CSMD3: variants seen among roughly 807,000 people sequenced by gnomAD.
CSMD3 encodes the protein CUB and sushi domain-containing protein 3.
Under a neutral mutation model 435.2 loss-of-function variants are expected in CSMD3, and 177 were observed. The observed-to-expected ratio is 0.41, with a 90% CI of 0.36 to 0.46. The LOEUF is 0.46. Among genes scored for constraint, CSMD3 ranks in the 20% least tolerant of loss-of-function variants. CSMD3 has a pLI of 0.34. For missense variants in CSMD3, 4,265 were observed against 4,504.6 expected (o/e 0.95, Z 1.52); for synonymous variants, 1,656 against 1,520.5 (o/e 1.09, Z -2.07).
chr8:112,569,754 C>A (rs1829355914), intron 24 of CSMD3, among the ~76,000 whole-genome samples: 1 of 152,174 alleles, frequency 6.6e-6, no homozygotes, highest in Admixed American at 6.5e-5. Flanking sequence ...TGGGATTAAT[C>A]TGAATTAGAT....
chr8:113,156,431 T>C (rs1425350528), intron 4 of CSMD3, among the ~76,000 whole-genome samples: 1 of 152,042 alleles, frequency 6.6e-6, no homozygotes, highest in Non-Finnish European at 1.5e-5. Flanking sequence ...GACTATTCTC[T>C]TCGTGATAAT....
chr8:113,301,303 T>C (rs1392091110), intron 2 of CSMD3, among the ~76,000 whole-genome samples: 2 of 152,142 alleles, frequency 1.3e-5, no homozygotes, highest in African/African-American at 4.8e-5. Context: ...GAATAAATTG[T>C]ATTCTTAAAA....
At chr8:112,279,013 AAACAAC>A (rs200149218) in intron 59 of CSMD3, among the ~76,000 whole-genome samples, 28,989 of 119,074 alleles carry the variant, frequency 0.24, 3,113 homozygotes, top group Middle Eastern at 0.41. Context: ...CACCCCCAAA[AAACAAC>A]AACAACAACA....
At chr8:112,522,400 C>T (rs900298610) in intron 27 of CSMD3, among the ~76,000 whole-genome samples, 3 of 151,786 alleles carry the variant, frequency 2.0e-5, no homozygotes, top group Admixed American at 1.3e-4. Flanking sequence ...TTTACAATGC[C>T]ATCAATCTTC....
chr8:113,033,076 A>G (rs2087188306), intron 5 of CSMD3, among the ~76,000 whole-genome samples: 3 of 151,634 alleles, frequency 2.0e-5, no homozygotes, highest in Non-Finnish European at 4.4e-5. Flanking sequence ...GATGTATAGA[A>G]ACACCTGGAT....
At chr8:113,170,094 G>C (rs927829586) in intron 4 of CSMD3, among the ~76,000 whole-genome samples, 1 of 152,108 alleles carries the variant, frequency 6.6e-6, no homozygotes, top group Non-Finnish European at 1.5e-5. Context: ...TCATCAAGGA[G>C]AGACTCTACG....
At chr8:112,511,682 G>A (rs573948009) in intron 28 of CSMD3, among the ~76,000 whole-genome samples, 1 of 152,106 alleles carries the variant, frequency 6.6e-6, no homozygotes, top group African/African-American at 2.4e-5. Flanking sequence ...GAGCCACCAC[G>A]CCCGGGGTGG....
At chr8:113,330,897 A>C (rs2094022653) in intron 1 of CSMD3, among the ~76,000 whole-genome samples, 1 of 151,872 alleles carries the variant, frequency 6.6e-6, no homozygotes, top group African/African-American at 2.4e-5. Context: ...GCAAAGATAT[A>C]AAATACTCGA....
intron 45 of CSMD3, among the ~76,000 whole-genome samples, chr8:112,325,970 T>C (rs1823468627): frequency 1.3e-5 from 2 of 152,170 alleles, no homozygotes. Flanking sequence ...TATCTTTCAA[T>C]AAGAATAAAC....
At chr8:112,296,824 A>C (rs532436464) in intron 53 of CSMD3, among the ~76,000 whole-genome samples, 1 of 151,872 alleles carries the variant, frequency 6.6e-6, no homozygotes, top group Non-Finnish European at 1.5e-5. Context: ...AAATAGCAAC[A>C]AAATTATTAA....
chr8:112,842,156 A>G (rs1587451775), intron 11 of CSMD3, among the ~76,000 whole-genome samples: 2 of 151,854 alleles, frequency 1.3e-5, no homozygotes, highest in Non-Finnish European at 2.9e-5. Context: ...CTGGGGTAGG[A>G]GACAATGTTC....
At chr8:112,913,319 T>C (rs1441981151) in intron 10 of CSMD3, among the ~76,000 whole-genome samples, 1 of 151,778 alleles carries the variant, frequency 6.6e-6, no homozygotes, top group African/African-American at 2.4e-5. Context: ...ACATGCACAG[T>C]TCACAATAGG....
intron 53 of CSMD3, 57 bp downstream of exon 53, chr8:112,301,736 C>CT: frequency 7.4e-7 from 1 of 1,355,184 alleles, no homozygotes; most frequent in Non-Finnish European, 1.1e-6. Flanking sequence ...AGAGATGCCT[C>CT]TTTTCAAGGG....
At chr8:112,307,118 G>GT (rs1821497204) in intron 50 of CSMD3, among the ~76,000 whole-genome samples, 1 of 151,414 alleles carries the variant, frequency 6.6e-6, no homozygotes. Flanking sequence ...TTAAAGTCAG[G>GT]TTTTTTGTTT....
intron 27 of CSMD3, among the ~76,000 whole-genome samples, chr8:112,548,115 T>C (rs892093178): frequency 6.6e-6 from 1 of 152,160 alleles, no homozygotes; most frequent in African/African-American, 2.4e-5. Context: ...TGACTTTAGA[T>C]AAAATTTCTT....
At chr8:112,839,669 GTTT>G (rs535540487) in intron 11 of CSMD3, among the ~76,000 whole-genome samples, 105 of 151,362 alleles carry the variant, frequency 6.9e-4, no homozygotes, top group Non-Finnish European at 1.2e-3. Flanking sequence ...CTCTTTTTCT[GTTT>G]TTTTGTCCCT....
intron 1 of CSMD3, among the ~76,000 whole-genome samples, chr8:113,373,754 C>A (rs2094361306): frequency 6.6e-6 from 1 of 152,050 alleles, no homozygotes. Flanking sequence ...TTTAAAGCAT[C>A]ACATGAAGTT....
intron 32 of CSMD3, among the ~76,000 whole-genome samples, chr8:112,451,743 G>A (rs748124608): frequency 1.2e-3 from 176 of 152,140 alleles, no homozygotes; most frequent in Non-Finnish European, 1.9e-3. Context: ...TCTCCACATT[G>A]GTCAGGCTGG....
rs1435184614 is a variant in CSMD3, at chr8:113,318,475, C to A, written c.179-3682G>T. Among the ~76,000 whole-genome samples, 3 of 152,112 alleles carry A rather than the reference C, an allele frequency of 2.0e-5. No individual in the cohort carries two copies. In the East Asian group the frequency reaches 5.8e-4, roughly 29 times the overall value. ...ACTTATTTAACAAAAATCCTTACTA[C>A]AATACAATTTCATTAACTGTAGTCC... On this transcript the variant is annotated intron_variant, in intron 1 of 70. Transcript: ENST00000297405.
Sources: allele counts gnomAD v4.1 joint callset (sites outside exome capture counted in the v4.1 genomes callset), GRCh38; gene constraint gnomAD v4.1.1; transcripts MANE v1.5; gene names NCBI Gene and HGNC (gene_info 2026-07-23, HGNC 2026-07-21).